The following KLF7 variants were observed in gnomAD, a reference collection of about 807,000 sequenced individuals.
KLF7 encodes KLF transcription factor 7, also known as Krueppel-like factor 7.
In KLF7, 2 loss-of-function variants were observed where a neutral mutation model predicts 27.3. That is an observed-to-expected ratio of 0.07 (90% confidence interval 0.03 to 0.23). The LOEUF is 0.23. Ranked by LOEUF, KLF7 falls within the 10% of genes least tolerant of loss-of-function variation. The pLI is 1.00. For missense variants in KLF7, 221 were observed against 394.1 expected (o/e 0.56, Z 3.72); for synonymous variants, 165 against 162.4 (o/e 1.02, Z -0.12).
chr2:207,130,462 A>G (rs190123792), intron 1 of KLF7, among the ~76,000 whole-genome samples: 2 of 152,340 alleles, frequency 1.3e-5, no homozygotes, highest in East Asian at 3.9e-4. Context: ...TACGTTCCTA[A>G]ACAGTAAAGT....
chr2:207,110,027 C>A (rs1167424015), intron 2 of KLF7: 1 of 154,780 alleles, frequency 6.5e-6, no homozygotes, highest in Non-Finnish European at 1.5e-5. Flanking sequence ...CAATGCCATA[C>A]GATTATAATA....
chr2:207,107,902 C>T (rs560671207), intron 2 of KLF7, among the ~76,000 whole-genome samples: 3 of 152,344 alleles, frequency 2.0e-5, no homozygotes, highest in Admixed American at 2.0e-4. Context: ...CCTATGTTTG[C>T]ACAACGTGAT....
At chr2:207,118,345 C>A (rs918084562) in intron 2 of KLF7, among the ~76,000 whole-genome samples, 6 of 152,080 alleles carry the variant, frequency 3.9e-5, no homozygotes, top group Non-Finnish European at 7.3e-5. Flanking sequence ...AAATGGAAGA[C>A]CATTTCTTTG....
At chr2:207,172,716 AT>A in the KLF7 span, among the ~76,000 whole-genome samples, 1 of 152,222 alleles carries the variant, frequency 6.6e-6, no homozygotes, top group African/African-American at 2.4e-5. Flanking sequence ...AATCAGCAAT[AT>A]AGTCACCCTC....
rs900257649 is a variant in KLF7, at chr2:207,088,369, T to A, written c.857+89A>T. 18 of 1,462,812 alleles carry A rather than the reference T, an allele frequency of 1.2e-5. No individual in the cohort carries two copies. The Admixed American group carries it at 3.2e-4, about 26-fold the overall frequency. The allele number at this position is 1,462,812 out of a possible 1,614,324, so 90.6% of individuals were successfully genotyped here. On this transcript the variant is annotated intron_variant, in intron 3 of 3. Coordinates refer to ENST00000309446, the MANE Select transcript of KLF7 (RefSeq NM_003709.4). ...TCCAAGTGTCTGTGAGTCAGACCTG[T>A]GATAAGTCCAAGCACACGGGTGCTG... is the stretch of plus-strand genomic sequence containing the variant.
chr2:207,172,257 CCCTAGAGG>C (rs1477329625), upstream of KLF7, among the ~76,000 whole-genome samples: 1 of 152,174 alleles, frequency 6.6e-6, no homozygotes, highest in Admixed American at 6.5e-5. Context: ...TTCTGCCCCT[CCCTAGAGG>C]CCAAAGAGAA....
intron 1 of KLF7, among the ~76,000 whole-genome samples, chr2:207,144,150 T>G (rs1400135345): frequency 8.6e-6 from 1 of 116,128 alleles, no homozygotes; most frequent in Non-Finnish European, 1.7e-5. Flanking sequence ...GGTCTAGGAG[T>G]CGTCACAGCG....
chr2:207,102,270 G>A (rs2076785793), intron 2 of KLF7, among the ~76,000 whole-genome samples: 1 of 151,336 alleles, frequency 6.6e-6, no homozygotes, highest in Non-Finnish European at 1.5e-5. Context: ...ACCTCAAACA[G>A]CCTTAATTTT....
intron 2 of KLF7, among the ~76,000 whole-genome samples, chr2:207,117,826 T>C (rs1279511799): frequency 2.0e-5 from 3 of 152,196 alleles, no homozygotes; most frequent in Non-Finnish European, 4.4e-5. Flanking sequence ...AGCGACTTGT[T>C]ATCTCCAAAT....
chr2:207,149,396 A>C (rs529058036), intron 1 of KLF7, among the ~76,000 whole-genome samples: 1 of 152,188 alleles, frequency 6.6e-6, no homozygotes, highest in African/African-American at 2.4e-5. Context: ...AGGCTTGCCC[A>C]TATCTGCTCT....
chr2:207,117,979 C>T (rs1453562581), intron 2 of KLF7, among the ~76,000 whole-genome samples: 1 of 152,168 alleles, frequency 6.6e-6, no homozygotes, highest in Non-Finnish European at 1.5e-5. Context: ...CATCTATGGG[C>T]ACTTAATACC....
intron 1 of KLF7, among the ~76,000 whole-genome samples, chr2:207,127,441 TA>T (rs1051273477): frequency 1.1e-4 from 17 of 152,180 alleles, no homozygotes; most frequent in Admixed American, 2.6e-4. Flanking sequence ...GTATGGAGAT[TA>T]AAATGTTAAG....
At chr2:207,095,031 C>CTTTT (rs36091471) in intron 2 of KLF7, among the ~76,000 whole-genome samples, 296 of 82,410 alleles carry the variant, frequency 3.6e-3, no homozygotes, top group East Asian at 4.4e-3. Context: ...TGTTTTTATT[C>CTTTT]TTTTTTTTTT....
In KLF7 at chr2:207,133,754, C is replaced by T. The variant is rs576112394; in HGVS notation, c.103-9350G>A. On this transcript the variant is annotated intron_variant, in intron 1 of 3. Coordinates refer to ENST00000309446, the MANE Select transcript of KLF7 (RefSeq NM_003709.4). ...CCTCTTAAGAGGGGGAGGGGGGGAG[C>T]CATCATTGAAAACCCAAACTCACAT... Among the ~76,000 whole-genome samples, 4 of 152,204 alleles carry T rather than the reference C, an allele frequency of 2.6e-5. No homozygotes were observed. The South Asian group carries it at 8.3e-4, about 32-fold the overall frequency.
At chr2:207,166,733 G>C (rs1375439329), upstream of KLF7, 1 of 925,752 alleles carries the variant, frequency 1.1e-6, no homozygotes, top group Non-Finnish European at 1.3e-6. Context: ...CGCGCGAGGC[G>C]GTGCCGGGGA....
At chr2:207,104,410 C>A (rs531875544) in intron 2 of KLF7, among the ~76,000 whole-genome samples, 8 of 152,270 alleles carry the variant, frequency 5.3e-5, no homozygotes, top group Non-Finnish European at 7.3e-5. Flanking sequence ...GGAGAAAACA[C>A]CTCAAATCAT....
At chr2:207,167,334 A>T, upstream of KLF7, 1 of 372,896 alleles carries the variant, frequency 2.7e-6, no homozygotes, top group Non-Finnish European at 4.7e-6. Flanking sequence ...CTTCCCCAAA[A>T]TGCGCTGTGA....
chr2:207,167,472 T>C (rs1363526839), upstream of KLF7, among the ~76,000 whole-genome samples: 2 of 152,220 alleles, frequency 1.3e-5, no homozygotes, highest in Non-Finnish European at 2.9e-5. Context: ...CCTTTGACTA[T>C]GTAGGACTCG....
chr2:207,077,329 A>T lies in KLF7; in HGVS notation c.*3884T>A, dbSNP rs1438892407. On this transcript the variant is annotated 3_prime_UTR_variant, in exon 4 of 4. Transcript: ENST00000309446. ...ATGGATAATCTGGAAAGCTTATCCC[A>T]AACAAAAGTCCTTATAAAATCTTCT... The T allele has an allele frequency of 6.6e-6, 1 of 152,220 alleles. No homozygotes were observed. The highest frequency in any genetic ancestry group is 2.4e-5 in the African/African-American group (1 of 41,456). The allele number at this position is 152,220 out of a possible 1,614,324, so 9.4% of individuals were successfully genotyped here.
Sources: allele counts gnomAD v4.1 joint callset (sites outside exome capture counted in the v4.1 genomes callset), GRCh38; gene constraint gnomAD v4.1.1; transcripts MANE v1.5; gene names NCBI Gene and HGNC (gene_info 2026-07-23, HGNC 2026-07-21).